The following BSN variants were observed in gnomAD, a reference collection of about 807,000 sequenced individuals.
BSN encodes bassoon presynaptic cytomatrix protein, also known as protein bassoon.
A neutral mutation model predicts 264.8 loss-of-function variants in BSN; 57 were observed. The observed-to-expected ratio is 0.22, with a 90% confidence interval of 0.17 to 0.27. The LOEUF (loss-of-function observed/expected upper bound fraction) is 0.27. Among genes scored for constraint, BSN ranks in the 10% least tolerant of loss-of-function variants. The probability of loss-of-function intolerance (pLI) is 1.00; values close to 1 mark genes in which losing one functional copy is unlikely to be tolerated. For missense variants in BSN, 4,615 were observed against 5,232.5 expected, an observed-to-expected ratio of 0.88 and a Z score of 3.64; for synonymous variants, 2,059 against 2,137.3, an observed-to-expected ratio of 0.96 and a Z score of 1.01.
At chr3:49,636,987 G>C (rs2052424731) in intron 2 of BSN, among the ~76,000 whole-genome samples, 1 of 152,236 alleles carries the variant, frequency 6.6e-6, no homozygotes, top group Non-Finnish European at 1.5e-5. Flanking sequence ...TCATAGCCCA[G>C]AAAGGCATAT....
At chr3:49,647,120 G>A (rs1197995514) in intron 3 of BSN, among the ~76,000 whole-genome samples, 1 of 152,202 alleles carries the variant, frequency 6.6e-6, no homozygotes, top group Non-Finnish European at 1.5e-5. Context: ...TAACCATACT[G>A]GCATGCAGGC....
At position 49,642,551 on chromosome 3, in the gene BSN, C is replaced by T. The variant is rs758197685; in HGVS notation, c.917C>T (p.Pro306Leu). ...PPEVGRVSPQ[P>L]PQPTKPSTAE... ...GAGGTGGGGAGGGTGTCTCCTCAGCCCCCTCAACCCACCAAGCCTTCCACA... is the reference window on the plus strand; with the variant it reads ...GAGGTGGGGAGGGTGTCTCCTCAGCTCCCTCAACCCACCAAGCCTTCCACA... Residue 306 changes from proline (P) to leucine (L), a missense_variant, in exon 3 of 12, where the codon CCC becomes CTC. Pro to Leu is a moderately conservative substitution (Grantham distance 98). Around this residue, in one of 3 missense-constraint regions of BSN, gnomAD observed 1,197 missense variants for 1,348.0 expected, o/e 0.89. Transcript: ENST00000296452. The surrounding 1 kb of genome is among the most constrained non-coding windows in gnomAD (Gnocchi z 7.0). 1.2e-5 allele frequency: 19 copies of T among 1,600,042 alleles called. No individual in the cohort carries two copies. Among genetic ancestry groups the T allele is most frequent in the Non-Finnish European group, 1.0e-5 (12 of 1,171,616 alleles).
intron 11 of BSN, among the ~76,000 whole-genome samples, chr3:49,665,939 G>A (rs2052710090): frequency 6.6e-6 from 1 of 152,264 alleles, no homozygotes; most frequent in South Asian, 2.1e-4. Flanking sequence ...GGCCAAGGCA[G>A]GTTGGGACAC....
chr3:49,654,320 G>C lies in BSN; in HGVS notation c.4764G>C (p.Gln1588His), dbSNP rs767388717. Residue 1588 changes from glutamine to histidine, a missense_variant, in exon 5 of 12, where the codon CAG (glutamine) becomes CAC (histidine). Transcript: ENST00000296452. The surrounding 1 kb of genome is among the most constrained non-coding windows in gnomAD (Gnocchi z 4.1). ...TSPLCSPTET[Q>H]PTTHGYSQTT... is the part of the protein sequence containing the mutation. ...CGCTCTGCTCACCTACTGAAACCCA[G>C]CCCACCACCCATGGCTACAGCCAGA... 56 of 1,613,522 alleles carry C rather than the reference G, an allele frequency of 3.5e-5. No individual in the cohort carries two copies. Among genetic ancestry groups the C allele is most frequent in the Non-Finnish European group, 4.7e-5 (55 of 1,179,942 alleles).
In BSN at chr3:49,657,590, T is replaced by A. The variant is rs763572038; in HGVS notation, c.8034T>A (p.Pro2678=). Residue 2678 remains proline, a synonymous_variant, in exon 5 of 12, where the codon CCT becomes CCA. Transcript: ENST00000296452. ...GTGACTGCTCCGTGCAGACGGAGCC[T>A]GACCAGCTGCCCAGGGTCTCTCCAG... The part of the protein sequence containing the change: ...TISDCSVQTE[P]DQLPRVSPAI... The A allele has an allele frequency of 6.8e-6, 11 of 1,611,500 alleles. No homozygotes were observed. Among genetic ancestry groups the A allele is most frequent in the Non-Finnish European group, 8.5e-6 (10 of 1,178,908 alleles).
Position 49,583,655 on chromosome 3 carries a change from G to C in BSN, c.224+28829G>C, listed in dbSNP as rs571618533. ...AAAATAAATTCTTTTTCAATGGTTAGTAGGATTCACCAGTGAAGACAACTG... is the reference window on the plus strand; with the variant it reads ...AAAATAAATTCTTTTTCAATGGTTACTAGGATTCACCAGTGAAGACAACTG... On this transcript the variant is annotated intron_variant, in intron 1 of 11. Transcript: ENST00000296452. Among the ~76,000 whole-genome samples the C allele has an allele frequency of 8.2e-4, 125 of 152,134 alleles. 1 individual carries two copies. The highest frequency in any genetic ancestry group is 1.1e-3 in the Non-Finnish European group (75 of 68,026).
intron 1 of BSN, among the ~76,000 whole-genome samples, chr3:49,613,303 C>CGAGCGAGAGAGAGAGA (rs1553662875): frequency 3.4e-4 from 16 of 47,342 alleles, no homozygotes; most frequent in African/African-American, 9.1e-4. Flanking sequence ...ACACACAGAG[C>CGAGCGAGAGAGAGAGA]GAGAGAGAGA....
chr3:49,626,289 C>T (rs2052340576), intron 2 of BSN, among the ~76,000 whole-genome samples: 2 of 152,204 alleles, frequency 1.3e-5, no homozygotes, highest in African/African-American at 4.8e-5. Context: ...GAGAGGCTGG[C>T]TGCAGGCACG....
chr3:49,617,596 C>T (rs1356024107), intron 1 of BSN, among the ~76,000 whole-genome samples: 1 of 152,124 alleles, frequency 6.6e-6, no homozygotes, highest in African/African-American at 2.4e-5. Flanking sequence ...CTGTGGACAC[C>T]TCCCTCTCTT....
At chr3:49,560,450 G>T (rs1266332404) in intron 1 of BSN, among the ~76,000 whole-genome samples, 1 of 152,226 alleles carries the variant, frequency 6.6e-6, no homozygotes, top group Non-Finnish European at 1.5e-5. Flanking sequence ...TTCAGCTTCT[G>T]CAGGCCCTGC....
intron 2 of BSN, among the ~76,000 whole-genome samples, chr3:49,627,722 T>A (rs2052351809): frequency 6.6e-6 from 1 of 152,190 alleles, no homozygotes; most frequent in African/African-American, 2.4e-5. Context: ...AGGGGCTGGT[T>A]CTGAAGTTAG....
chr3:49,575,996 A>T (rs1575427259), intron 1 of BSN, among the ~76,000 whole-genome samples: 1 of 152,220 alleles, frequency 6.6e-6, no homozygotes, highest in East Asian at 1.9e-4. Context: ...TTTTCACTGA[A>T]CAATACGGGA....
At chr3:49,589,898 C>T (rs1038266358) in intron 1 of BSN, among the ~76,000 whole-genome samples, 22 of 148,306 alleles carry the variant, frequency 1.5e-4, no homozygotes, top group African/African-American at 5.2e-4. Context: ...AGTGCAGTGG[C>T]GCAATCTCAG....
At chr3:49,645,698 C>A (rs1366351453) in intron 3 of BSN, among the ~76,000 whole-genome samples, 1 of 152,206 alleles carries the variant, frequency 6.6e-6, no homozygotes, top group African/African-American at 2.4e-5. Flanking sequence ...TCTTGGATCT[C>A]ACCTCAGTCA....
At chr3:49,614,365 C>G (rs2052241558) in intron 1 of BSN, among the ~76,000 whole-genome samples, 2 of 152,148 alleles carry the variant, frequency 1.3e-5, no homozygotes. Flanking sequence ...GGCCGACATT[C>G]AGTCTTTAAA....
At chr3:49,598,476 C>A (rs1200321964) in intron 1 of BSN, among the ~76,000 whole-genome samples, 1 of 152,190 alleles carries the variant, frequency 6.6e-6, no homozygotes, top group East Asian at 1.9e-4. Context: ...TTGATGAAAT[C>A]TTGTGCTTAA....
At chr3:49,603,244 A>T (rs2052085871) in intron 1 of BSN, among the ~76,000 whole-genome samples, 1 of 152,166 alleles carries the variant, frequency 6.6e-6, no homozygotes, top group Non-Finnish European at 1.5e-5. Flanking sequence ...CTGAGCTGTC[A>T]CAGGAAGTGT....
intron 1 of BSN, among the ~76,000 whole-genome samples, chr3:49,608,505 C>CA (rs1355159360): frequency 6.6e-6 from 1 of 152,162 alleles, no homozygotes; most frequent in Admixed American, 6.5e-5. Context: ...ATTTTTAAAT[C>CA]AGTCTCAACG....
rs1575452847 is a variant in BSN at position 49,662,424 on chromosome 3, A to C, written c.10579A>C (p.Thr3527Pro). ...AGGGCCCCTCCCTCCCGGCGGGGAT[A>C]CCTGCCCACAGTTCTGCTCCAGCCA... Reference protein sequence around the residue: ...AGGPLPPGGDTCPQFCSSHSM... With the variant: ...AGGPLPPGGDPCPQFCSSHSM... Residue 3527 changes from threonine to proline, a missense_variant, in exon 6 of 12, where the codon ACC becomes CCC. Coordinates refer to ENST00000296452, the MANE Select transcript of BSN (RefSeq NM_003458.4). 1 of 1,613,294 alleles carries C rather than the reference A, an allele frequency of 6.2e-7. No homozygotes were observed. The highest frequency in any genetic ancestry group is 8.5e-7 in the Non-Finnish European group (1 of 1,180,002).
Sources: gnomAD v4.1 joint callset for allele counts (sites outside exome capture counted in the v4.1 genomes callset) on GRCh38, gnomAD v4.1.1 for gene constraint, gnomAD v4.1.1 regional missense constraint, Gnocchi (gnomAD v3.1) non-coding constraint, MANE v1.5 for transcripts, NCBI Gene and HGNC (gene_info 2026-07-23, HGNC 2026-07-21) for gene names.